NKAIN3: variants seen among roughly 807,000 people sequenced by gnomAD.
NKAIN3 encodes the protein sodium/potassium-transporting ATPase subunit beta-1-interacting protein 3.
A neutral mutation model predicts 30.2 loss-of-function variants in NKAIN3; 25 were observed. The observed-to-expected ratio is 0.83, with a 90% CI of 0.60 to 1.16. NKAIN3 has a LOEUF of 1.16. NKAIN3 is among the 50% of genes most tolerant of loss of function. The probability of loss-of-function intolerance (pLI) is 0.00; values close to 1 mark genes in which losing one functional copy is unlikely to be tolerated. For synonymous variants in NKAIN3, 91 were observed against 89.6 expected (o/e 1.02, Z -0.09); for missense variants, 225 against 254.1 (o/e 0.89, Z 0.78).
At chr8:62,906,749 T>G (rs539745130) in intron 4 of NKAIN3, among the ~76,000 whole-genome samples, 18 of 152,202 alleles carry the variant, frequency 1.2e-4, no homozygotes, top group Admixed American at 6.6e-5. Context: ...ATTTGCCTTC[T>G]GCCATTATTG....
chr8:62,739,457 TG>T (rs1424143717), intron 3 of NKAIN3, among the ~76,000 whole-genome samples: 3 of 152,232 alleles, frequency 2.0e-5, no homozygotes, highest in African/African-American at 4.8e-5. Context: ...TATGTTGCTC[TG>T]ATAGGGGCTC....
Position 62,693,906 on chromosome 8 carries a change from GACA to G in NKAIN3, c.274-53021_274-53019del, listed in dbSNP as rs564150273. 2.4e-3 allele frequency among the ~76,000 whole-genome samples: 368 copies of G among 151,888 alleles called. 1 individual carries two copies. The highest frequency in any genetic ancestry group is 7.8e-3 in the African/African-American group (322 of 41,450). On this transcript the variant is annotated intron_variant, in intron 3 of 6. Transcript: ENST00000623646. ...CTTGAGCTAAATCTGATCAATCCTAGACAACAAAAAAGAAAAAAGTTGCATTAA... is the reference window on the plus strand; with the variant it reads ...CTTGAGCTAAATCTGATCAATCCTAGACAAAAAAGAAAAAAGTTGCATTAA...
At chr8:62,315,728 T>C (rs1363113721) in intron 1 of NKAIN3, among the ~76,000 whole-genome samples, 1 of 152,210 alleles carries the variant, frequency 6.6e-6, no homozygotes, top group Non-Finnish European at 1.5e-5. Context: ...GCAGCAGTTT[T>C]GAAAGCCAAT....
Position 62,345,536 on chromosome 8 carries a change from CATATATACACAT to C in NKAIN3, c.54+96414_54+96425del, listed in dbSNP as rs1563942898. ...ATACACATATATGTATATATACACACATATATACACATATATGTATATATACACATATATACA... is the reference window on the plus strand; with the variant it reads ...ATACACATATATGTATATATACACACATATGTATATATACACATATATACA... On this transcript the variant is annotated intron_variant, in intron 1 of 6. Coordinates refer to ENST00000623646, the MANE Select transcript of NKAIN3 (RefSeq NM_001304533.3). Among the ~76,000 whole-genome samples, 332 of 130,208 alleles carry C rather than the reference CATATATACACAT, an allele frequency of 2.5e-3. 25 individuals carry two copies. The East Asian group carries it at 0.058, about 23-fold the overall frequency. 85.4% of individuals were successfully genotyped at this position (130,208 alleles called of 152,430 possible).
chr8:62,659,619 G>A (rs948955794), intron 3 of NKAIN3, among the ~76,000 whole-genome samples: 1 of 152,188 alleles, frequency 6.6e-6, no homozygotes, highest in Non-Finnish European at 1.5e-5. Context: ...TGATTGTTGT[G>A]TAATCTATTG....
chr8:62,375,539 G>T (rs988376022), intron 1 of NKAIN3, among the ~76,000 whole-genome samples: 1 of 152,104 alleles, frequency 6.6e-6, no homozygotes, highest in Admixed American at 6.6e-5. Flanking sequence ...TAGCCGTTCT[G>T]AACTTCGATT....
intron 1 of NKAIN3, among the ~76,000 whole-genome samples, chr8:62,552,036 A>G (rs1223461497): frequency 6.6e-6 from 1 of 152,188 alleles, no homozygotes; most frequent in Non-Finnish European, 1.5e-5. Flanking sequence ...GACATAATTC[A>G]TTTACTAGAC....
At chr8:62,769,198 A>T (rs1486784380) in intron 4 of NKAIN3, among the ~76,000 whole-genome samples, 1 of 152,180 alleles carries the variant, frequency 6.6e-6, no homozygotes, top group Non-Finnish European at 1.5e-5. Flanking sequence ...ATTGCAAAGA[A>T]AGTTCTTAAT....
At chr8:62,520,750 C>G (rs1808129327) in intron 1 of NKAIN3, among the ~76,000 whole-genome samples, 1 of 151,990 alleles carries the variant, frequency 6.6e-6, no homozygotes, top group Admixed American at 6.6e-5. Context: ...CTAGTGGCTC[C>G]CATCTTAGAC....
At chr8:62,778,921 C>T (rs1022298793) in intron 4 of NKAIN3, among the ~76,000 whole-genome samples, 4 of 152,038 alleles carry the variant, frequency 2.6e-5, no homozygotes, top group Non-Finnish European at 5.9e-5. Flanking sequence ...CTTCAGTTAG[C>T]AGGCCATGAA....
chr8:62,699,701 C>CTAA (rs1814271059), intron 3 of NKAIN3, among the ~76,000 whole-genome samples: 1 of 152,116 alleles, frequency 6.6e-6, no homozygotes, highest in Non-Finnish European at 1.5e-5. Flanking sequence ...TATTAACATT[C>CTAA]CTGGAGTTAT....
chr8:62,669,776 G>A (rs935681637), intron 3 of NKAIN3, among the ~76,000 whole-genome samples: 2 of 152,118 alleles, frequency 1.3e-5, no homozygotes, highest in South Asian at 4.1e-4. Context: ...GAAACCCACT[G>A]AGTATTTAGA....
chr8:62,758,915 T>A (rs575691929), intron 4 of NKAIN3, among the ~76,000 whole-genome samples: 6 of 152,268 alleles, frequency 3.9e-5, no homozygotes, highest in African/African-American at 1.4e-4. Context: ...TTATTTCATA[T>A]CTCCACATTA....
At chr8:62,799,855 C>T (rs1453240973) in intron 4 of NKAIN3, among the ~76,000 whole-genome samples, 2 of 152,050 alleles carry the variant, frequency 1.3e-5, no homozygotes, top group South Asian at 2.1e-4. Flanking sequence ...ATATAGTATG[C>T]AATACTAGTC....
At chr8:62,482,777 C>T (rs1394321117) in intron 1 of NKAIN3, 1 of 152,186 alleles carries the variant, frequency 6.6e-6, no homozygotes, top group Non-Finnish European at 1.5e-5. Context: ...CATGCACTGA[C>T]ATCAGGGTTT....
At chr8:62,470,981 C>T (rs1312938389) in intron 1 of NKAIN3, among the ~76,000 whole-genome samples, 1 of 151,654 alleles carries the variant, frequency 6.6e-6, no homozygotes, top group Non-Finnish European at 1.5e-5. Context: ...GGATGTTTTC[C>T]TTTTTTAAAA....
intron 1 of NKAIN3, among the ~76,000 whole-genome samples, chr8:62,302,325 T>C (rs57369766): frequency 0.067 from 10,248 of 152,110 alleles, 1,152 homozygotes; most frequent in African/African-American, 0.23. Flanking sequence ...AGCTGGGTTC[T>C]GCACTTCTTT....
chr8:62,269,497 A>G (rs372677096), intron 1 of NKAIN3, among the ~76,000 whole-genome samples: 1 of 152,096 alleles, frequency 6.6e-6, no homozygotes, highest in African/African-American at 2.4e-5. Context: ...TAGGTATACA[A>G]TCCTGATTAT....
intron 3 of NKAIN3, among the ~76,000 whole-genome samples, chr8:62,696,079 G>T (rs1304439050): frequency 6.6e-6 from 1 of 151,896 alleles, no homozygotes; most frequent in African/African-American, 2.4e-5. Flanking sequence ...TTTGTATTGG[G>T]GAACTGAGCT....
Sources: allele counts gnomAD v4.1 joint callset (sites outside exome capture counted in the v4.1 genomes callset), GRCh38; gene constraint gnomAD v4.1.1; transcripts MANE v1.5; gene names NCBI Gene and HGNC (gene_info 2026-07-23, HGNC 2026-07-21).